The following OR3A2 variants were observed in gnomAD, a reference collection of about 807,000 sequenced individuals.
OR3A2 encodes olfactory receptor 3A2.
For missense variants in OR3A2, 318 were observed against 392.8 expected (o/e 0.81, Z 1.61); for synonymous variants, 126 against 159.3 (o/e 0.79, Z 1.57).
chr17:3,337,420 C>T (rs1447635827), intron 2 of OR3A2, among the ~76,000 whole-genome samples: 1 of 152,130 alleles, frequency 6.6e-6, no homozygotes, highest in Non-Finnish European at 1.5e-5. Flanking sequence ...GTCATCCCTC[C>T]CCCATCCCCC....
chr17:3,348,997 C>T (rs1286834185), intron 2 of OR3A2, among the ~76,000 whole-genome samples: 1 of 152,062 alleles, frequency 6.6e-6, no homozygotes, highest in African/African-American at 2.4e-5. Context: ...ATTTTGTCGC[C>T]ACCAGGCCTG....
intron 3 of OR3A2, among the ~76,000 whole-genome samples, chr17:3,295,868 T>C (rs2048914482): frequency 6.6e-6 from 1 of 152,070 alleles, no homozygotes; most frequent in Admixed American, 6.6e-5. Context: ...GTAATAGGTA[T>C]GAAAACGAAT....
chr17:3,278,617 G>C, exon 2 of OR3A2: 1 of 1,585,908 alleles, frequency 6.3e-7, no homozygotes, highest in Non-Finnish European at 8.6e-7. Flanking sequence ...AGCTGGGAGA[G>C]GCAGGCGTCA....
chr17:3,284,475 A>T (rs1284992891), upstream of OR3A2: 1 of 150,826 alleles, frequency 6.6e-6, no homozygotes, highest in African/African-American at 2.5e-5. Flanking sequence ...AATGAGAGGA[A>T]TCAAGCTGCT....
At chr17:3,284,689 G>T (rs2048796912), upstream of OR3A2, 1 of 145,668 alleles carries the variant, frequency 6.9e-6, no homozygotes, top group African/African-American at 2.7e-5. Context: ...CCCTGGCTTT[G>T]TGGGCAGGTT....
At chr17:3,378,372 C>T (rs2150668321) in intron 2 of OR3A2, among the ~76,000 whole-genome samples, 1 of 152,374 alleles carries the variant, frequency 6.6e-6, no homozygotes, top group South Asian at 2.1e-4. Context: ...AATGCCCAGG[C>T]TCGGCCACAA....
intron 3 of OR3A2, among the ~76,000 whole-genome samples, chr17:3,335,000 A>G (rs1034258329): frequency 1.4e-4 from 22 of 152,208 alleles, no homozygotes; most frequent in Admixed American, 7.2e-4. Flanking sequence ...TAACATCACA[A>G]GTACTAACTA....
At chr17:3,343,495 C>T (rs1021561125) in intron 2 of OR3A2, among the ~76,000 whole-genome samples, 3 of 152,182 alleles carry the variant, frequency 2.0e-5, no homozygotes, top group Non-Finnish European at 2.9e-5. Context: ...TTGGAGAATG[C>T]TGAGATTTTA....
At chr17:3,342,239 A>G (rs2049325239) in intron 2 of OR3A2, among the ~76,000 whole-genome samples, 1 of 152,086 alleles carries the variant, frequency 6.6e-6, no homozygotes, top group Non-Finnish European at 1.5e-5. Flanking sequence ...GAAGTTTGTT[A>G]TTACCGACTT....
chr17:3,362,607 G>T (rs989640974), intron 2 of OR3A2, among the ~76,000 whole-genome samples: 1 of 151,456 alleles, frequency 6.6e-6, no homozygotes, highest in African/African-American at 2.4e-5. Flanking sequence ...CACAGATTCT[G>T]GTACGTTGTG....
Position 3,304,554 on chromosome 17 carries a change from T to C in OR3A2, c.-84-25401A>G, listed in dbSNP as rs148669907. 3.8e-3 allele frequency among the ~76,000 whole-genome samples: 572 copies of C among 152,190 alleles called. 5 individuals carry two copies. Among genetic ancestry groups the C allele is most frequent in the African/African-American group, 0.013 (530 of 41,422 alleles). On this transcript the variant is annotated intron_variant, in intron 3 of 4. Transcript: ENST00000573491. ...GTATCCACTGCTTCATAGATTTTGT[T>C]TGGTTTCTTAGCTGTTTAAAATGGG...
At position 3,282,523 on chromosome 17, in the gene OR3A2, G is replaced by C. The variant is rs188120676; in HGVS notation, c.-7+1835C>G. Among the ~76,000 whole-genome samples, 428 of 152,304 alleles carry C rather than the reference G, an allele frequency of 2.8e-3. 3 individuals are homozygous for C. The highest frequency in any genetic ancestry group is 0.024 in the Middle Eastern group (7 of 294). ...GTCTCCAATGTGAGGCTGTCTCGAT[G>C]ACCAGCCTTCCAAATGAGGTCTCCA... On this transcript the variant is annotated intron_variant, in intron 1 of 1. Coordinates refer to ENST00000642052, the Ensembl canonical transcript of OR3A2.
Position 3,295,558 on chromosome 17 carries a change from G to A in OR3A2, c.-84-16405C>T, listed in dbSNP as rs117540659. 8.5e-5 allele frequency among the ~76,000 whole-genome samples: 13 copies of A among 152,132 alleles called. No homozygotes were observed. The East Asian group carries it at 2.3e-3, about 27-fold the overall frequency. On this transcript the variant is annotated intron_variant, in intron 3 of 4. Coordinates refer to the OR3A2 transcript ENST00000573491. ...TATTTCAAAACAATAAAAGCAAACA[G>A]TATAACATAACAGAACAAAATTAGT...
chr17:3,312,114 T>G (rs1386116877), intron 3 of OR3A2, among the ~76,000 whole-genome samples: 3 of 152,012 alleles, frequency 2.0e-5, no homozygotes, highest in Non-Finnish European at 2.9e-5. Flanking sequence ...GGCAAAAGCT[T>G]AGGTGAGAGA....
Position 3,368,063 on chromosome 17 carries a change from T to C in OR3A2, c.-179+15741A>G, listed in dbSNP as rs148513251. 4.2e-4 allele frequency among the ~76,000 whole-genome samples: 64 copies of C among 152,300 alleles called. 1 individual carries two copies. The East Asian group carries it at 0.012, about 28-fold the overall frequency. The stretch of plus-strand genomic sequence containing the variant: ...TTTGAGAATTGTCTATTCATGCCCT[T>C]AACCCACTTTTTGATGGAATTGTTT... On this transcript the variant is annotated intron_variant, in intron 2 of 4. Transcript: ENST00000573491.
chr17:3,335,867 G>A (rs536544710), intron 3 of OR3A2, among the ~76,000 whole-genome samples, 162 bp downstream of exon 2: 27 of 152,096 alleles, frequency 1.8e-4, no homozygotes, highest in Non-Finnish European at 5.9e-5. Context: ...CTTACTTAGT[G>A]CCCATGCATA....
chr17:3,278,312 G>C (rs1372503690), exon 2 of OR3A2: 1 of 1,614,246 alleles, frequency 6.2e-7, no homozygotes, highest in South Asian at 1.1e-5. Flanking sequence ...CCACAGCAAA[G>C]AGCAGCAGCT....
intron 3 of OR3A2, among the ~76,000 whole-genome samples, chr17:3,290,755 T>G (rs192777564): frequency 2.3e-4 from 34 of 147,704 alleles, no homozygotes; most frequent in African/African-American, 8.6e-4. Flanking sequence ...TCAGGGTGAC[T>G]CCTCACCATA....
intron 3 of OR3A2, among the ~76,000 whole-genome samples, chr17:3,330,423 T>C (rs1433518576): frequency 1.3e-5 from 2 of 151,854 alleles, no homozygotes. Flanking sequence ...ATATTTAGGA[T>C]AGTTAGCTCT....
Sources: gnomAD v4.1 joint callset for allele counts (sites outside exome capture counted in the v4.1 genomes callset) on GRCh38, gnomAD v4.1.1 for gene constraint, MANE v1.5 for transcripts, NCBI Gene and HGNC (gene_info 2026-07-23, HGNC 2026-07-21) for gene names.